Variants in ABLIM1 observed in about 807,000 individuals in gnomAD.
The protein encoded by ABLIM1 is actin-binding LIM protein 1.
A neutral mutation model predicts 107.0 loss-of-function variants in ABLIM1; 40 were observed. The ratio of observed to expected loss-of-function variants is 0.37; its 90% CI spans 0.29 to 0.49. ABLIM1 has a LOEUF of 0.49. Among genes scored for constraint, ABLIM1 ranks in the 20% least tolerant of loss-of-function variants. ABLIM1 has a pLI of 0.97. For missense variants in ABLIM1, 857 were observed against 1,008.5 expected, an observed-to-expected ratio of 0.85 and a Z score of 2.04; for synonymous variants, 357 against 357.3, an observed-to-expected ratio of 1.00 and a Z score of 0.01.
At chr10:114,601,049 TACACACACACACAC>T (rs59709817) in intron 2 of ABLIM1, among the ~76,000 whole-genome samples, 11,311 of 128,454 alleles carry the variant, frequency 0.088, 744 homozygotes, top group East Asian at 0.21. Flanking sequence ...CACATCTCAA[TACACACACACACAC>T]ACACACACAC....
the ABLIM1 span, among the ~76,000 whole-genome samples, chr10:114,786,379 C>G: frequency 6.6e-6 from 1 of 152,160 alleles, no homozygotes; most frequent in Non-Finnish European, 1.5e-5. Flanking sequence ...AAGCACTGTA[C>G]TTCACTAGAA....
intron 1 of ABLIM1, among the ~76,000 whole-genome samples, chr10:114,704,308 A>C (rs370528690): frequency 0.3 from 10,731 of 35,760 alleles, 929 homozygotes; most frequent in Non-Finnish European, 0.34. Context: ...CTCTCTATAT[A>C]TATATATATA....
intron 1 of ABLIM1, among the ~76,000 whole-genome samples, chr10:114,702,525 CTTTTTTT>C (rs11374796): frequency 1.5e-5 from 2 of 129,588 alleles, no homozygotes; most frequent in Non-Finnish European, 3.2e-5. Flanking sequence ...AGTAAGAACA[CTTTTTTT>C]TTTTTTTTTT....
chr10:114,714,205 C>T (rs2081612895), intron 1 of ABLIM1, among the ~76,000 whole-genome samples: 1 of 152,168 alleles, frequency 6.6e-6, no homozygotes, highest in Non-Finnish European at 1.5e-5. Context: ...TAATTAACTT[C>T]ATTTAGGTCA....
intron 1 of ABLIM1, among the ~76,000 whole-genome samples, chr10:114,617,428 ATT>A (rs955557107): frequency 6.8e-6 from 1 of 146,192 alleles, no homozygotes; most frequent in African/African-American, 2.5e-5. Flanking sequence ...CGTTTGGCTA[ATT>A]TTTTTTTTTG....
At chr10:114,788,851 C>A in the ABLIM1 span, among the ~76,000 whole-genome samples, 3 of 152,072 alleles carry the variant, frequency 2.0e-5, no homozygotes, top group African/African-American at 7.2e-5. Context: ...TAAGTATGTA[C>A]CAAATATTGC....
At position 114,512,147 on chromosome 10, in the gene ABLIM1, T is replaced by C. The variant is rs140208367; in HGVS notation, c.895-20269A>G. On this transcript the variant is annotated intron_variant, in intron 6 of 22. Transcript: ENST00000533213. Reference sequence around the variant, plus strand: ...ACTTTCCTGGGGGGAAGCTGCTTATTCCAAAAGTAATGGGTCTATTAAAGA... The same window carrying C: ...ACTTTCCTGGGGGGAAGCTGCTTATCCCAAAAGTAATGGGTCTATTAAAGA... 3.0e-4 allele frequency among the ~76,000 whole-genome samples: 46 copies of C among 152,314 alleles called. 1 individual carries two copies. Among genetic ancestry groups the C allele is most frequent in the South Asian group, 1.7e-3 (8 of 4,820 alleles).
upstream of ABLIM1, among the ~76,000 whole-genome samples, chr10:114,769,411 AAAGAAAAGAAGG>A (rs1200552640): frequency 4.0e-5 from 5 of 125,710 alleles, no homozygotes; most frequent in African/African-American, 1.6e-4. Flanking sequence ...AGAAAGAAAG[AAAGAAAAGAAGG>A]AAAGAAAGAA....
intron 1 of ABLIM1, among the ~76,000 whole-genome samples, chr10:114,751,306 T>C (rs996370335): frequency 6.6e-6 from 1 of 152,104 alleles, no homozygotes; most frequent in African/African-American, 2.4e-5. Flanking sequence ...AAATAAAAGA[T>C]ATAATTTAAA....
chr10:114,470,002 GTC>G (rs1334450490), intron 10 of ABLIM1, among the ~76,000 whole-genome samples: 2 of 152,280 alleles, frequency 1.3e-5, no homozygotes, highest in African/African-American at 4.8e-5. Context: ...TCTCTAGGGG[GTC>G]TCAGCTGGGT....
rs186483013 is a variant in ABLIM1 at position 114,584,783 on chromosome 10, G to A, written c.380-9184C>T. Reference sequence around the variant, plus strand: ...ATGATAAAACGGGCCCCACAGCCAGGCATTTGAGAGTTTGTATTTAATTCA... The same window carrying A: ...ATGATAAAACGGGCCCCACAGCCAGACATTTGAGAGTTTGTATTTAATTCA... On this transcript the variant is annotated intron_variant, in intron 2 of 22. Coordinates refer to ENST00000533213, the MANE Select transcript of ABLIM1 (RefSeq NM_002313.7). Among the ~76,000 whole-genome samples, 85 of 152,276 alleles carry A rather than the reference G, an allele frequency of 5.6e-4. 2 individuals are homozygous for A. In the East Asian group the frequency reaches 0.012, roughly 21 times the overall value.
At chr10:114,614,127 T>C (rs948616712) in intron 1 of ABLIM1, among the ~76,000 whole-genome samples, 5 of 152,046 alleles carry the variant, frequency 3.3e-5, no homozygotes, top group Non-Finnish European at 7.4e-5. Flanking sequence ...TTTAAATCCC[T>C]CCATGGAACT....
intron 6 of ABLIM1, among the ~76,000 whole-genome samples, chr10:114,516,853 T>C (rs780109368): frequency 9.8e-5 from 15 of 152,350 alleles, no homozygotes; most frequent in Admixed American, 7.2e-4. Context: ...AGTTAGACTA[T>C]CAGATATGCA....
At chr10:114,730,397 CAAAAAAA>C (rs59713925) in intron 1 of ABLIM1, among the ~76,000 whole-genome samples, 13 of 73,138 alleles carry the variant, frequency 1.8e-4, no homozygotes, top group African/African-American at 4.1e-4. Flanking sequence ...AACTCCATCT[CAAAAAAA>C]AAAAAAAAAA....
intron 6 of ABLIM1, among the ~76,000 whole-genome samples, chr10:114,540,376 C>A (rs1282180329): frequency 1.3e-5 from 2 of 152,140 alleles, no homozygotes; most frequent in Non-Finnish European, 2.9e-5. Context: ...CAAGCCTTGC[C>A]CAAGGGGCCC....
intron 2 of ABLIM1, among the ~76,000 whole-genome samples, chr10:114,578,509 CGATT>C (rs1555185407): frequency 7.3e-5 from 11 of 151,408 alleles, no homozygotes; most frequent in Non-Finnish European, 1.6e-4. Flanking sequence ...CCAGTTCAAG[CGATT>C]CTCCTGCCTC....
chr10:114,665,818 G>C (rs565307727), intron 1 of ABLIM1, among the ~76,000 whole-genome samples: 1 of 152,188 alleles, frequency 6.6e-6, no homozygotes, highest in Non-Finnish European at 1.5e-5. Context: ...TGAGACCCGG[G>C]AGAGTACTGC....
intron 1 of ABLIM1, among the ~76,000 whole-genome samples, chr10:114,696,265 T>C (rs1395691356): frequency 6.6e-6 from 1 of 152,180 alleles, no homozygotes; most frequent in African/African-American, 2.4e-5. Flanking sequence ...GTTGCTAAGA[T>C]GACAACAACA....
At chr10:114,758,034 A>G (rs112184334) in intron 1 of ABLIM1, among the ~76,000 whole-genome samples, 1 of 152,000 alleles carries the variant, frequency 6.6e-6, no homozygotes, top group African/African-American at 2.4e-5. Context: ...ATGACCCCTC[A>G]CTTCCTTCAG....
Sources: gnomAD v4.1 joint callset for allele counts (sites outside exome capture counted in the v4.1 genomes callset) on GRCh38, gnomAD v4.1.1 for gene constraint, MANE v1.5 for transcripts, NCBI Gene and HGNC (gene_info 2026-07-23, HGNC 2026-07-21) for gene names.